The following SH3TC2 variants were observed in gnomAD, a reference collection of about 807,000 sequenced individuals.
The protein encoded by SH3TC2 is SH3 domain and tetratricopeptide repeats 2.
Under a neutral mutation model 124.5 loss-of-function variants are expected in SH3TC2, and 87 were observed. That is an observed-to-expected ratio of 0.70 (90% CI 0.59 to 0.84). The LOEUF is 0.84. SH3TC2 is among the 40% of genes least tolerant of loss of function. SH3TC2 has a pLI of 0.00. For missense variants in SH3TC2, 1,536 were observed against 1,566.4 expected (o/e 0.98, Z 0.33); for synonymous variants, 634 against 628.5 (o/e 1.01, Z -0.13).
chr5:149,032,094 T>C (rs1754205067), intron 8 of SH3TC2, among the ~76,000 whole-genome samples: 1 of 152,228 alleles, frequency 6.6e-6, no homozygotes, highest in South Asian at 2.1e-4. Context: ...TTAAAAATTT[T>C]ATTTGTCCTT....
At chr5:149,034,765 T>C (rs1754255313) in intron 8 of SH3TC2, among the ~76,000 whole-genome samples, 1 of 151,994 alleles carries the variant, frequency 6.6e-6, no homozygotes, top group Non-Finnish European at 1.5e-5. Context: ...AGTATCATTA[T>C]AAAAACAAAA....
chr5:149,003,966 C>A lies in SH3TC2; in HGVS notation c.*745G>T. ...AAATGTGTGTGTAAATGTAACTGGA[C>A]AATATTTAATCATATACACTATTTA... On this transcript the variant is annotated 3_prime_UTR_variant, in exon 17 of 17. Transcript: ENST00000515425. 1 of 269,270 alleles carries A rather than the reference C, an allele frequency of 3.7e-6. No homozygotes were observed. The highest frequency in any genetic ancestry group is 3.3e-5 in the South Asian group (1 of 29,932). 16.7% of individuals were successfully genotyped at this position (269,270 alleles called of 1,614,324 possible).
intron 1 of SH3TC2, among the ~76,000 whole-genome samples, chr5:149,057,855 G>A (rs56095417): frequency 1.3e-5 from 2 of 152,316 alleles, no homozygotes; most frequent in Non-Finnish European, 2.9e-5. Flanking sequence ...CTCCAAAAGT[G>A]AGCACATAAT....
chr5:149,004,548 G>T lies in SH3TC2; in HGVS notation c.*163C>A. 1.4e-6 allele frequency: 1 copy of T among 707,090 alleles called. No homozygotes were observed. 43.8% of individuals were successfully genotyped at this position (707,090 alleles called of 1,614,324 possible). A position where few individuals can be genotyped will look rare whatever the true frequency, so the allele number is the denominator to read the frequency against. ...CGCTGCACCATCAAATCTTTCTGTG[G>T]CCTGCAATGAGCCCTTCTCCTCCTG... On this transcript the variant is annotated 3_prime_UTR_variant, in exon 17 of 17. Coordinates refer to ENST00000515425, the MANE Select transcript of SH3TC2 (RefSeq NM_024577.4).
rs1180897027 is a variant in SH3TC2 at position 148,993,670 on chromosome 5, CTG to C, written c.*11039_*11040del. Among the ~76,000 whole-genome samples, 2 of 152,166 alleles carry C rather than the reference CTG, an allele frequency of 1.3e-5. No individual in the cohort carries two copies. Among genetic ancestry groups the C allele is most frequent in the Non-Finnish European group, 2.9e-5 (2 of 68,024 alleles). On this transcript the variant is annotated 3_prime_UTR_variant, in exon 17 of 17. Coordinates refer to ENST00000515425, the MANE Select transcript of SH3TC2 (RefSeq NM_024577.4). Reference sequence around the variant, plus strand: ...AAAGGGAGGTCACAACTTCCTGTGACTGTGCTTGGTAAGTGATGGAGGCAATC... The same window carrying C: ...AAAGGGAGGTCACAACTTCCTGTGACTGCTTGGTAAGTGATGGAGGCAATC...
Position 149,027,810 on chromosome 5 carries a change from C to A in SH3TC2, c.1922G>T (p.Arg641Leu), listed in dbSNP as rs199991156. ...LEARACFLAI[R>L]LLLSLGRHEE... Reference sequence around the variant, plus strand: ...GTGCCGGCCTAGGCTCAGGAGCAAGCGGATGGCCAGAAAGCAGGCCCTGGC... The same window carrying A: ...GTGCCGGCCTAGGCTCAGGAGCAAGAGGATGGCCAGAAAGCAGGCCCTGGC... Residue 641 changes from arginine to leucine, a missense_variant, in exon 11 of 17, where the codon CGC (arginine) becomes CTC (leucine). Arg to Leu is a moderately radical substitution (Grantham distance 102). Around this residue, in one of 3 missense-constraint regions of SH3TC2, gnomAD observed 1,102 missense variants for 1,098.6 expected, o/e 1.00. Transcript: ENST00000515425. 6.2e-7 allele frequency: 1 copy of A among 1,613,912 alleles called. No homozygotes were observed. The highest frequency in any genetic ancestry group is 1.1e-5 in the South Asian group (1 of 91,084).
rs1381218885 is a variant in SH3TC2 at position 148,989,732 on chromosome 5, G to A, written c.*14979C>T. ...GAATACTGGAACCACTCATTCAAGG[G>A]GATCTGGAGAGTGACCCAGGATAGA... On this transcript the variant is annotated 3_prime_UTR_variant, in exon 17 of 17. Transcript: ENST00000515425. Among the ~76,000 whole-genome samples, 1 of 152,140 alleles carries A rather than the reference G, an allele frequency of 6.6e-6. No individual in the cohort carries two copies. The highest frequency in any genetic ancestry group is 1.5e-5 in the Non-Finnish European group (1 of 68,034).
chr5:149,052,244 G>T lies in SH3TC2; in HGVS notation c.53-4C>A. 6.3e-7 allele frequency: 1 copy of T among 1,595,668 alleles called. No individual in the cohort carries two copies. The highest frequency in any genetic ancestry group is 1.1e-5 in the South Asian group (1 of 90,658). ...TCCTTGGAAGGAGTTTCTTTACCTG[G>T]AGAAGATGAAATAAAAGGTCATCTT... On this transcript the variant is annotated splice_region_variant and splice_polypyrimidine_tract_variant and intron_variant, in intron 1 of 16. Transcript: ENST00000515425.
In SH3TC2 at chr5:148,985,725, G is replaced by A. The variant is rs1318205046; in HGVS notation, c.*18986C>T. On this transcript the variant is annotated 3_prime_UTR_variant, in exon 17 of 17. Transcript: ENST00000515425. Reference sequence around the variant, plus strand: ...TCATTTCTTTGATATAAATACCTAGGAGTAGCAATTCTGGATCACTTTGTA... The same window carrying A: ...TCATTTCTTTGATATAAATACCTAGAAGTAGCAATTCTGGATCACTTTGTA... Among the ~76,000 whole-genome samples the A allele has an allele frequency of 1.3e-5, 2 of 152,142 alleles. No homozygotes were observed. The highest frequency in any genetic ancestry group is 6.5e-5 in the Admixed American group (1 of 15,272).
chr5:149,004,991 T>TG, intron 16 of SH3TC2, 89 bp from the exon 17 acceptor site: 2 of 1,452,522 alleles, frequency 1.4e-6, no homozygotes, highest in Non-Finnish European at 9.6e-7. Flanking sequence ...ACTCTAGTTT[T>TG]TTTTGTTTGT....
rs1454107060 is a variant in SH3TC2, at chr5:149,001,111, C to G, written c.*3600G>C. Among the ~76,000 whole-genome samples the G allele has an allele frequency of 6.6e-6, 1 of 152,202 alleles. No individual in the cohort carries two copies. Among genetic ancestry groups the G allele is most frequent in the South Asian group, 2.1e-4 (1 of 4,808 alleles). ...CTCCATTCCTGCATATTCCCTTCCC[C>G]AAATAAACTTCTGCCAAATGAGGTG... On this transcript the variant is annotated 3_prime_UTR_variant, in exon 17 of 17. Transcript: ENST00000515425.
At chr5:149,005,046 A>C in intron 16 of SH3TC2, 144 bp from the exon 17 acceptor site, 1 of 947,522 alleles carries the variant, frequency 1.1e-6, no homozygotes, top group Non-Finnish European at 1.6e-6. Flanking sequence ...CCATCTCCTG[A>C]GTCCTTAGGG....
At chr5:149,025,700 A>G (rs1391679640) in intron 12 of SH3TC2, 1 of 152,244 alleles carries the variant, frequency 6.6e-6, no homozygotes, top group Non-Finnish European at 1.5e-5. Context: ...AACAATGAAG[A>G]GAAAACCAAC....
At chr5:149,031,740 A>G in intron 8 of SH3TC2, 53 bp from the exon 9 acceptor site, 1 of 1,610,790 alleles carries the variant, frequency 6.2e-7, no homozygotes, top group Non-Finnish European at 8.5e-7. Context: ...TTCAGACTCC[A>G]TCTCCTCTTC....
chr5:149,010,407 G>T lies in SH3TC2; in HGVS notation c.3205-15C>A. The T allele has an allele frequency of 6.2e-7, 1 of 1,613,566 alleles. No homozygotes were observed. The highest frequency in any genetic ancestry group is 1.1e-5 in the South Asian group (1 of 91,048). Reference sequence around the variant, plus strand: ...TGGATGGCTGCCTAGGTGGGACAGAGACAGCTGTTAAAGGCAGAGAGGAGG... The same window carrying T: ...TGGATGGCTGCCTAGGTGGGACAGATACAGCTGTTAAAGGCAGAGAGGAGG... On this transcript the variant is annotated splice_polypyrimidine_tract_variant and intron_variant, in intron 13 of 16. Transcript: ENST00000515425.
In SH3TC2 at chr5:149,000,495, C is replaced by A. The variant is rs1031745093; in HGVS notation, c.*4216G>T. The stretch of plus-strand genomic sequence containing the variant: ...TGTATTTGCCATTATTTACATAATT[C>A]TGTTTATGGAAAACAATACAAGTTT... On this transcript the variant is annotated 3_prime_UTR_variant, in exon 17 of 17. Coordinates refer to ENST00000515425, the MANE Select transcript of SH3TC2 (RefSeq NM_024577.4). Among the ~76,000 whole-genome samples the A allele has an allele frequency of 6.6e-6, 1 of 152,162 alleles. No homozygotes were observed.
At chr5:149,046,599 C>T (rs138070177) in intron 3 of SH3TC2, 1 of 152,262 alleles carries the variant, frequency 6.6e-6, no homozygotes, top group Non-Finnish European at 1.5e-5. Flanking sequence ...AGTAAATTGT[C>T]CAAGGTCACC....
rs146143252 is a variant in SH3TC2 at position 149,038,482 on chromosome 5, G to A, written c.814C>T (p.Arg272Cys). Residue 272 changes from arginine (R) to cysteine (C), a missense_variant, in exon 8 of 17, where the codon CGC becomes TGC. Transcript: ENST00000515425. The part of the protein sequence containing the change: ...WTGSYQIGRG[R>C]CKALTGYEPG... The stretch of plus-strand genomic sequence containing the variant: ...TCATAACCCGTCAAGGCCTTACAGC[G>A]TCCTCTGCCTGTGGAAAATAGCACA... 49 of 1,613,746 alleles carry A rather than the reference G, an allele frequency of 3.0e-5. No homozygotes were observed. The Middle Eastern group carries it at 4.9e-4, about 16-fold the overall frequency.
At chr5:149,023,646 T>C (rs957844064) in intron 12 of SH3TC2, among the ~76,000 whole-genome samples, 1 of 144,860 alleles carries the variant, frequency 6.9e-6, no homozygotes, top group Non-Finnish European at 1.5e-5. Context: ...TGCTGTGGTG[T>C]GACCTCGGCT....
Sources: allele counts gnomAD v4.1 joint callset (sites outside exome capture counted in the v4.1 genomes callset), GRCh38; gene constraint gnomAD v4.1.1; regional missense constraint gnomAD v4.1.1; transcripts MANE v1.5; gene names NCBI Gene and HGNC (gene_info 2026-07-23, HGNC 2026-07-21).